Variants in DOT1L observed in about 807,000 individuals in gnomAD.
DOT1L encodes the protein DOT1 like histone lysine methyltransferase, also known as histone-lysine N-methyltransferase, H3 lysine-79 specific.
Under a neutral mutation model 153.3 loss-of-function variants are expected in DOT1L, and 33 were observed. The observed-to-expected ratio is 0.22, with a 90% CI of 0.16 to 0.29. The LOEUF is 0.29. Among genes scored for constraint, DOT1L ranks in the 10% least tolerant of loss-of-function variants. The pLI is 1.00. For missense variants in DOT1L, 1,847 were observed against 2,119.9 expected (o/e 0.87, Z 2.53); for synonymous variants, 1,135 against 965.1 (o/e 1.18, Z -3.26).
In DOT1L at chr19:2,225,393, A is replaced by G; in HGVS notation, c.3602A>G (p.Glu1201Gly). The change falls in exon 26 of 28, where the codon GAG becomes GGG. Residue 1201 changes from glutamate (E) to glycine (G), a missense_variant. By Grantham distance (98) the Glu-to-Gly change is moderately conservative. Transcript: ENST00000398665. ...SEDEPSSARI[E>G]RKIATISLES... The stretch of plus-strand genomic sequence containing the variant: ...TGACCTTTTTTTCTTAACAGAATTG[A>G]GAGAAAAATTGCAACAATCTCCTTA... 9 of 1,614,006 alleles carry G rather than the reference A, an allele frequency of 5.6e-6. No homozygotes were observed. Among genetic ancestry groups the G allele is most frequent in the Non-Finnish European group, 6.8e-6 (8 of 1,179,900 alleles).
chr19:2,172,561 G>T (rs1334684087), intron 1 of DOT1L, among the ~76,000 whole-genome samples: 3 of 149,514 alleles, frequency 2.0e-5, no homozygotes, highest in Non-Finnish European at 4.4e-5. Context: ...CTGGAGTGCA[G>T]TGGCGCCATC....
intron 8 of DOT1L, among the ~76,000 whole-genome samples, chr19:2,200,640 C>T (rs1180211084): frequency 2.6e-5 from 4 of 152,154 alleles, no homozygotes; most frequent in Admixed American, 1.3e-4. Flanking sequence ...CCCCCAGTCC[C>T]GCCATCCTCC....
intron 1 of DOT1L, among the ~76,000 whole-genome samples, chr19:2,180,290 C>T (rs777544754): frequency 6.6e-6 from 1 of 152,168 alleles, no homozygotes; most frequent in Admixed American, 6.5e-5. Flanking sequence ...GGAGCAGCGT[C>T]GGGAGAATTC....
chr19:2,217,805 G>GAGCTCATCACCAGCC lies in DOT1L; in HGVS notation c.2579_2593dup (p.Ser864_Leu865insGlnLeuIleThrSer). ...AGAGCGCGCCTACGGCAGCAGCGGG[G>GAGCTCATCACCAGCC]AGCTCATCACCAGCCTGCCCATCAG... On this transcript the variant is annotated inframe_insertion, in exon 22 of 28. Transcript: ENST00000398665. This position sits in a 1 kb window ranked among gnomAD's most constrained non-coding sequence, Gnocchi z 7.3. 1 of 1,605,956 alleles carries GAGCTCATCACCAGCC rather than the reference G, an allele frequency of 6.2e-7. No individual in the cohort carries two copies. Among genetic ancestry groups the GAGCTCATCACCAGCC allele is most frequent in the Non-Finnish European group, 8.5e-7 (1 of 1,177,218 alleles).
Position 2,222,861 on chromosome 19 carries a change from C to T in DOT1L, c.3390+302C>T, listed in dbSNP as rs1348244211. On this transcript the variant is annotated intron_variant, in intron 24 of 27. Coordinates refer to ENST00000398665, the MANE Select transcript of DOT1L (RefSeq NM_032482.3). The surrounding 1 kb of genome is among the most constrained non-coding windows in gnomAD (Gnocchi z 6.5). ...ATCGGCCACTGCCTGGGCCACAGAG[C>T]GAGACTCCCTCTCGGGGGGACAAAA... The T allele has an allele frequency of 1.5e-5, 6 of 411,932 alleles. No homozygotes were observed. The highest frequency in any genetic ancestry group is 1.2e-4 in the Admixed American group (3 of 24,136). The allele number at this position is 411,932 out of a possible 1,614,324, so 25.5% of individuals were successfully genotyped here.
chr19:2,228,263 C>T, intron 27 of DOT1L: 1 of 1,360,208 alleles, frequency 7.4e-7, no homozygotes, highest in Non-Finnish European at 9.8e-7. Flanking sequence ...CACAGGCCAG[C>T]GCCACGGGGC....
chr19:2,229,767 C>T lies in DOT1L; in HGVS notation c.4607-18C>T, dbSNP rs774486013. On this transcript the variant is annotated intron_variant, in intron 27 of 27. Transcript: ENST00000398665. Reference sequence around the variant, plus strand: ...GATGGTAACCTCAGGCCGCTCTTCCCGCTGTGCCCTTCTGCAGGTAACTAG... The same window carrying T: ...GATGGTAACCTCAGGCCGCTCTTCCTGCTGTGCCCTTCTGCAGGTAACTAG... The T allele has an allele frequency of 6.8e-6, 11 of 1,613,098 alleles. 1 individual carries two copies. Among genetic ancestry groups the T allele is most frequent in the Admixed American group, 3.3e-5 (2 of 60,012 alleles).
At position 2,210,647 on chromosome 19, in the gene DOT1L, G is replaced by T. The variant is rs184482663; in HGVS notation, c.1143G>T (p.Ala381=). 1 of 1,612,830 alleles carries T rather than the reference G, an allele frequency of 6.2e-7. No homozygotes were observed. The highest frequency in any genetic ancestry group is 1.7e-5 in the Admixed American group (1 of 60,006). The part of the protein sequence containing the change: ...PMDSGAEEEK[A]GAATVKKPSP... ...ACTCTGGTGCTGAGGAAGAGAAGGC[G>T]GGAGCAGCCACCGTGAAGAAGCCGT... The change falls in exon 14 of 28, where the codon GCG becomes GCT. Residue 381 remains alanine (A), a synonymous_variant. Coordinates refer to ENST00000398665, the MANE Select transcript of DOT1L (RefSeq NM_032482.3).
At position 2,217,665 on chromosome 19, in the gene DOT1L, G is replaced by C; in HGVS notation, c.2545-107G>C. 6.8e-7 allele frequency: 1 copy of C among 1,472,414 alleles called. No homozygotes were observed. The highest frequency in any genetic ancestry group is 2.5e-5 in the East Asian group (1 of 40,260). 91.2% of individuals were successfully genotyped at this position (1,472,414 alleles called of 1,614,324 possible). ...AAGGTTGCAGGGCCTTGGCAGCGTGGGGGCCGCCTTGAGAGAGCTGTAGCA... is the reference window on the plus strand; with the variant it reads ...AAGGTTGCAGGGCCTTGGCAGCGTGCGGGCCGCCTTGAGAGAGCTGTAGCA... On this transcript the variant is annotated intron_variant, in intron 21 of 27. Coordinates refer to ENST00000398665, the MANE Select transcript of DOT1L (RefSeq NM_032482.3). This position sits in a 1 kb window ranked among gnomAD's most constrained non-coding sequence, Gnocchi z 7.3.
At chr19:2,165,769 A>AT (rs34978235) in intron 1 of DOT1L, among the ~76,000 whole-genome samples, 267 of 139,578 alleles carry the variant, frequency 1.9e-3, no homozygotes, top group South Asian at 7.2e-3. Context: ...ATGGCTTCAC[A>AT]TTTTTTTTTT....
At chr19:2,210,961 CT>C in intron 14 of DOT1L, 106 bp downstream of exon 14, 2 of 1,480,094 alleles carry the variant, frequency 1.4e-6, no homozygotes, top group Non-Finnish European at 1.9e-6. Context: ...CAGGGTGTCC[CT>C]GGAGCCTCCC....
chr19:2,170,500 G>C (rs2021555216), intron 1 of DOT1L, among the ~76,000 whole-genome samples: 1 of 152,080 alleles, frequency 6.6e-6, no homozygotes, highest in South Asian at 2.1e-4. Context: ...GGGTACCCGG[G>C]GATTCATCAG....
rs1426741265 is a variant in DOT1L, at chr19:2,227,036, A to T, written c.4515A>T (p.Ala1505=). Residue 1505 remains alanine (A), a synonymous_variant, in exon 27 of 28, where the codon GCA becomes GCT. Transcript: ENST00000398665. The part of the protein sequence containing the change: ...QSLFSSVPAA[A]GLVHVSSAAT... ...TGTTCAGCTCTGTGCCGGCCGCCGC[A>T]GGCCTGGTGCACGTGTCGTCCGCTG... is the stretch of plus-strand genomic sequence containing the variant. 1.3e-6 allele frequency: 2 copies of T among 1,580,718 alleles called. No homozygotes were observed. The highest frequency in any genetic ancestry group is 2.3e-5 in the South Asian group (2 of 88,860).
In DOT1L at chr19:2,216,423, G is replaced by A. The variant is rs766360510; in HGVS notation, c.2066G>A (p.Arg689Gln). The change falls in exon 20 of 28, where the codon CGG becomes CAG. Residue 689 changes from arginine (R) to glutamine (Q), a missense_variant. Arg to Gln is a conservative substitution (Grantham distance 43, BLOSUM62 1). This residue lies in a region of DOT1L where 281 missense variants were observed against 263.6 expected (regional missense o/e 1.07). Transcript: ENST00000398665. Reference protein sequence around the residue: ...LGRELEPDASRLHLELDCTKF... With the variant: ...LGRELEPDASQLHLELDCTKF... ...CGCGAGCTGGAGCCTGACGCCAGCCGGCTGCACCTGGAGCTGGACTGCACC... is the reference window on the plus strand; with the variant it reads ...CGCGAGCTGGAGCCTGACGCCAGCCAGCTGCACCTGGAGCTGGACTGCACC... 3.5e-5 allele frequency: 56 copies of A among 1,612,406 alleles called. 1 individual carries two copies. Among genetic ancestry groups the A allele is most frequent in the African/African-American group, 2.5e-4 (19 of 74,920 alleles).
Position 2,206,754 on chromosome 19 carries a change from C to G in DOT1L, c.813C>G (p.Pro271=). The G allele has an allele frequency of 6.2e-7, 1 of 1,613,964 alleles. No homozygotes were observed. The highest frequency in any genetic ancestry group is 8.5e-7 in the Non-Finnish European group (1 of 1,179,920). ...GTGGCAGAATCGTGTCCTCGAAACC[C>G]TTTGCACCTCTGAACTTCAGAATAA... ...KEGGRIVSSK[P]FAPLNFRINS... The change falls in exon 10 of 28, where the codon CCC becomes CCG. Residue 271 remains proline, a synonymous_variant. Transcript: ENST00000398665.
intron 1 of DOT1L, among the ~76,000 whole-genome samples, chr19:2,173,797 C>T (rs1464817618): frequency 2.0e-5 from 3 of 152,192 alleles, no homozygotes; most frequent in Non-Finnish European, 4.4e-5. Flanking sequence ...AAGACGGGGT[C>T]GCTCCGGTTG....
rs2022768045 is a variant in DOT1L, at chr19:2,190,949, T to A, written c.265-63T>A. On this transcript the variant is annotated intron_variant, in intron 4 of 27. Transcript: ENST00000398665. The surrounding 1 kb of genome is among the most constrained non-coding windows in gnomAD (Gnocchi z 4.8). ...TTCCGCTGGGAAAGGTCCCGGGTCTTGGTGGTGGAGGGGCTGGGCCGTGAG... is the reference window on the plus strand; with the variant it reads ...TTCCGCTGGGAAAGGTCCCGGGTCTAGGTGGTGGAGGGGCTGGGCCGTGAG... 2.0e-6 allele frequency: 1 copy of A among 511,896 alleles called. No individual in the cohort carries two copies. Among genetic ancestry groups the A allele is most frequent in the Admixed American group, 4.9e-5 (1 of 20,462 alleles). 31.7% of individuals were successfully genotyped at this position (511,896 alleles called of 1,614,324 possible).
rs535622178 is a variant in DOT1L, at chr19:2,194,097, G to A, written c.588+314G>A. Among the ~76,000 whole-genome samples, 135 of 152,306 alleles carry A rather than the reference G, an allele frequency of 8.9e-4. 1 individual carries two copies. The highest frequency in any genetic ancestry group is 3.1e-3 in the African/African-American group (130 of 41,566). On this transcript the variant is annotated intron_variant, in intron 6 of 27. Transcript: ENST00000398665. ...CTCGTGGCACAGCCCTCCGAGAAGC[G>A]GGGTGTTTTGGGTGGCCTGCCCAGG... is the stretch of plus-strand genomic sequence containing the variant.
At chr19:2,228,107 C>T (rs371660185) in intron 27 of DOT1L, 8 of 1,356,308 alleles carry the variant, frequency 5.9e-6, no homozygotes, top group South Asian at 2.3e-5. Flanking sequence ...TCTTGCCCCC[C>T]ACCTCTGCTG....
Sources: gnomAD v4.1 joint callset for allele counts (sites outside exome capture counted in the v4.1 genomes callset) on GRCh38, gnomAD v4.1.1 for gene constraint, gnomAD v4.1.1 regional missense constraint, Gnocchi (gnomAD v3.1) non-coding constraint, MANE v1.5 for transcripts, NCBI Gene and HGNC (gene_info 2026-07-23, HGNC 2026-07-21) for gene names.